STPG2: variants seen among roughly 807,000 people sequenced by gnomAD.
STPG2 encodes sperm-tail PG-rich repeat-containing protein 2.
STPG2 carries 56 observed loss-of-function variants against 54.2 expected under a neutral mutation model. The ratio of observed to expected loss-of-function variants is 1.03; its 90% CI spans 0.83 to 1.29. The LOEUF (loss-of-function observed/expected upper bound fraction) is 1.29. Among genes scored for constraint, STPG2 ranks in the 50% most tolerant of loss-of-function variants. The pLI, the probability that STPG2 is intolerant of heterozygous loss-of-function variation, is 0.00. For missense variants in STPG2, 596 were observed against 544.9 expected (o/e 1.09, Z -0.93); for synonymous variants, 200 against 181.8 (o/e 1.10, Z -0.81).
intron 9 of STPG2, among the ~76,000 whole-genome samples, chr4:97,826,402 G>A (rs1424494480): frequency 1.0e-5 from 1 of 97,038 alleles, no homozygotes; most frequent in African/African-American, 4.9e-5. Flanking sequence ...AAAATTAATT[G>A]TAAAGAGATT....
chr4:98,120,707 TC>T (rs1295834317), intron 3 of STPG2, among the ~76,000 whole-genome samples: 2 of 152,236 alleles, frequency 1.3e-5, no homozygotes, highest in Non-Finnish European at 2.9e-5. Context: ...ACAAATATCT[TC>T]TTTTGAGGAG....
At chr4:98,012,942 T>C (rs1459456930) in intron 5 of STPG2, among the ~76,000 whole-genome samples, 2 of 152,244 alleles carry the variant, frequency 1.3e-5, no homozygotes, top group Admixed American at 6.5e-5. Context: ...TACTCTTTAA[T>C]TCTTTCTCTT....
chr4:97,717,605 T>C (rs1724330683), intron 9 of STPG2, among the ~76,000 whole-genome samples: 2 of 152,186 alleles, frequency 1.3e-5, no homozygotes, highest in South Asian at 4.1e-4. Context: ...TATCAAAATG[T>C]ACATCCATAA....
chr4:97,488,981 CCCA>C (rs1730439134), intron 4 of STPG2, among the ~76,000 whole-genome samples: 1 of 151,690 alleles, frequency 6.6e-6, no homozygotes, highest in African/African-American at 2.4e-5. Flanking sequence ...AATTGTAACT[CCCA>C]CAATTCCCAC....
intron 4 of STPG2, among the ~76,000 whole-genome samples, chr4:97,459,448 T>G (rs938251670): frequency 1.4e-4 from 21 of 149,272 alleles, no homozygotes; most frequent in Non-Finnish European, 2.4e-4. Context: ...TTGTTTTTTT[T>G]TTTTTTTTTG....
At chr4:97,972,683 C>T (rs1734374577) in intron 6 of STPG2, among the ~76,000 whole-genome samples, 1 of 152,160 alleles carries the variant, frequency 6.6e-6, no homozygotes, top group Non-Finnish European at 1.5e-5. Flanking sequence ...GTAATTCCCA[C>T]AATTCCATGG....
At chr4:98,120,893 A>G (rs544191134) in intron 3 of STPG2, among the ~76,000 whole-genome samples, 5 of 152,320 alleles carry the variant, frequency 3.3e-5, no homozygotes, top group African/African-American at 1.2e-4. Context: ...TTTGCTGTGC[A>G]GCAGCTCTTT....
chr4:98,071,161 A>C (rs1737990730), intron 5 of STPG2, among the ~76,000 whole-genome samples: 1 of 152,210 alleles, frequency 6.6e-6, no homozygotes, highest in African/African-American at 2.4e-5. Context: ...ACCCGACTTC[A>C]AACTATACTA....
chr4:98,113,514 C>A (rs1232293315), intron 3 of STPG2, among the ~76,000 whole-genome samples: 2 of 151,978 alleles, frequency 1.3e-5, no homozygotes, highest in African/African-American at 2.4e-5. Flanking sequence ...CAGCACTGTA[C>A]GTGGTCTCAG....
chr4:97,813,064 A>G (rs1467114088), intron 9 of STPG2, among the ~76,000 whole-genome samples: 1 of 152,052 alleles, frequency 6.6e-6, no homozygotes, highest in Non-Finnish European at 1.5e-5. Flanking sequence ...TTTCAAAAAT[A>G]TCCCAATCTT....
At chr4:97,816,108 A>C (rs1578589302) in intron 9 of STPG2, among the ~76,000 whole-genome samples, 1 of 152,016 alleles carries the variant, frequency 6.6e-6, no homozygotes, top group Non-Finnish European at 1.5e-5. Flanking sequence ...TCAACTCCCA[A>C]TTATGAGTGA....
intron 10 of STPG2, among the ~76,000 whole-genome samples, chr4:97,562,101 T>A (rs1303117731): frequency 1.3e-5 from 2 of 152,182 alleles, no homozygotes; most frequent in East Asian, 3.9e-4. Context: ...TTTGTTTGTA[T>A]CCTCTTTTAT....
chr4:98,054,459 C>A (rs959387310), intron 5 of STPG2, among the ~76,000 whole-genome samples: 1 of 152,096 alleles, frequency 6.6e-6, no homozygotes, highest in Non-Finnish European at 1.5e-5. Flanking sequence ...ACTAATATAA[C>A]AAGCTTGTTT....
intron 5 of STPG2, among the ~76,000 whole-genome samples, chr4:98,085,332 C>T (rs1738473009): frequency 6.6e-6 from 1 of 152,004 alleles, no homozygotes; most frequent in African/African-American, 2.4e-5. Context: ...TCTTGATTAC[C>T]TGATTGATTA....
intron 10 of STPG2, among the ~76,000 whole-genome samples, chr4:97,620,076 G>A (rs951416302): frequency 5.3e-5 from 8 of 151,806 alleles, no homozygotes; most frequent in African/African-American, 1.9e-4. Context: ...TGCCTGCCTC[G>A]GCCTCCCAAA....
In STPG2 at chr4:97,585,902, G is replaced by A. The variant is rs141964596; in HGVS notation, c.1321-26785C>T. Among the ~76,000 whole-genome samples the A allele has an allele frequency of 1.0e-2, 1,511 of 151,662 alleles. 13 individuals carry two copies. Among genetic ancestry groups the A allele is most frequent in the Non-Finnish European group, 0.016 (1,070 of 67,834 alleles). The stretch of plus-strand genomic sequence containing the variant: ...TAAAAAAAAATTTAAATAAAACCCA[G>A]ACAAAATAGAAAAAAATAGATGAAA... On this transcript the variant is annotated intron_variant, in intron 10 of 10. Transcript: ENST00000295268.
At chr4:97,723,641 C>T (rs1258019578) in intron 9 of STPG2, among the ~76,000 whole-genome samples, 5 of 152,132 alleles carry the variant, frequency 3.3e-5, no homozygotes, top group Non-Finnish European at 7.4e-5. Context: ...CATTTTCACA[C>T]TGCTATAAAG....
intron 10 of STPG2, among the ~76,000 whole-genome samples, chr4:97,574,112 T>C (rs1732663531): frequency 6.6e-6 from 1 of 152,160 alleles, no homozygotes; most frequent in Non-Finnish European, 1.5e-5. Flanking sequence ...GGGACTTTAT[T>C]CTACCTATCA....
At chr4:97,779,687 T>A (rs1726534175) in intron 9 of STPG2, among the ~76,000 whole-genome samples, 1 of 152,118 alleles carries the variant, frequency 6.6e-6, no homozygotes, top group Non-Finnish European at 1.5e-5. Flanking sequence ...GAGAGAAAGA[T>A]CGAGTTACCC....
Sources: allele counts gnomAD v4.1 joint callset (sites outside exome capture counted in the v4.1 genomes callset), GRCh38; gene constraint gnomAD v4.1.1; transcripts MANE v1.5; gene names NCBI Gene and HGNC (gene_info 2026-07-23, HGNC 2026-07-21).